The following TRMT2B variants were observed in gnomAD, a reference collection of about 807,000 sequenced individuals.
The protein encoded by TRMT2B is tRNA methyltransferase 2B, also known as tRNA (uracil-5-)-methyltransferase homolog B.
TRMT2B carries 34 observed loss-of-function variants against 39.7 expected under a neutral mutation model. The observed-to-expected ratio is 0.86, with a 90% CI of 0.65 to 1.14. TRMT2B has a LOEUF of 1.14. Ranked by LOEUF, TRMT2B falls within the 50% of genes most tolerant of loss-of-function variation. The probability of loss-of-function intolerance (pLI) is 0.00; values close to 1 mark genes in which losing one functional copy is unlikely to be tolerated. For missense variants in TRMT2B, 318 were observed against 377.2 expected (o/e 0.84, Z 1.30); for synonymous variants, 132 against 137.3 (o/e 0.96, Z 0.27).
chrX:100,978,023 A>C, the TRMT2B span, among the ~76,000 whole-genome samples: 6 of 112,213 alleles, frequency 5.3e-5, no homozygotes, highest in Non-Finnish European at 1.1e-4. Context: ...ATACATACAC[A>C]GCAGGTGGAT....
chrX:101,051,800 T>A lies in TRMT2B; in HGVS notation c.-507+17A>T. ...CCACCTTACCTTCCTTCGTAACCAA[T>A]AAATCCTCTTACAAACCTGAGGCGG... On this transcript the variant is annotated intron_variant, in intron 1 of 13. Transcript: ENST00000372936. The A allele has an allele frequency of 1.8e-6, 1 of 556,314 alleles. No individual in the cohort carries two copies. Among genetic ancestry groups the A allele is most frequent in the Non-Finnish European group, 2.2e-6 (1 of 458,050 alleles). The allele number at this position is 556,314 out of a possible 1,213,427, so 45.8% of individuals were successfully genotyped here.
At chrX:101,024,493 C>A (rs2086961588) in intron 7 of TRMT2B, among the ~76,000 whole-genome samples, 1 of 110,616 alleles carries the variant, frequency 9.0e-6, no homozygotes, top group Admixed American at 9.7e-5. Context: ...TCCAGGAGTT[C>A]AAGACCACCT....
intron 10 of TRMT2B, among the ~76,000 whole-genome samples, 157 bp downstream of exon 10, chrX:101,020,944 C>T (rs1482214754): frequency 8.9e-6 from 1 of 111,931 alleles, no homozygotes; most frequent in Non-Finnish European, 1.9e-5. Context: ...GTTGGGATAA[C>T]AGGCATAAGC....
chrX:101,048,821 C>A (rs760313359), intron 2 of TRMT2B, among the ~76,000 whole-genome samples: 1 of 112,540 alleles, frequency 8.9e-6, no homozygotes, highest in Admixed American at 9.5e-5. Context: ...TGCTATGAAT[C>A]TCAGTGTCAC....
At chrX:101,010,769 A>C (rs2086212923) in intron 13 of TRMT2B, 62 bp from the exon 14 acceptor site, 2 of 1,117,648 alleles carry the variant, frequency 1.8e-6, no homozygotes, top group Non-Finnish European at 2.4e-6. Context: ...CAGGAATACA[A>C]TTGCCTAAAA....
intron 2 of TRMT2B, among the ~76,000 whole-genome samples, chrX:101,044,249 GAA>G (rs35472826): frequency 0.28 from 11,967 of 43,205 alleles, 760 homozygotes; most frequent in Non-Finnish European, 0.37. Flanking sequence ...CTCAAAAAGA[GAA>G]AAAAAAAAAA....
At chrX:101,045,620 CAAA>C (rs2088607961) in intron 2 of TRMT2B, among the ~76,000 whole-genome samples, 1 of 32,087 alleles carries the variant, frequency 3.1e-5, no homozygotes, top group Non-Finnish European at 6.4e-5. Context: ...AAATACAAAA[CAAA>C]CAAACAAACA....
intron 4 of TRMT2B, among the ~76,000 whole-genome samples, chrX:101,039,454 C>A (rs2088080640): frequency 8.9e-6 from 1 of 111,966 alleles, no homozygotes; most frequent in African/African-American, 3.2e-5. Flanking sequence ...TCACACTAAG[C>A]AAAATCACTC....
At chrX:101,023,389 C>G in intron 8 of TRMT2B, 81 bp downstream of exon 8, 1 of 1,031,317 alleles carries the variant, frequency 9.7e-7, no homozygotes. Flanking sequence ...TGCTATATGC[C>G]CTGAAACTTC....
In TRMT2B at chrX:101,037,964, G is replaced by A; in HGVS notation, c.391C>T (p.Pro131Ser). 8.3e-7 allele frequency: 1 copy of A among 1,210,067 alleles called. No individual in the cohort carries two copies. The highest frequency in any genetic ancestry group is 1.1e-6 in the Non-Finnish European group (1 of 894,462). Reference sequence around the variant, plus strand: ...AGACAAGAGAGCCTCTCAGATTTGGGTACAGCCGTTGTCACACTGACTCCA... The same window carrying A: ...AGACAAGAGAGCCTCTCAGATTTGGATACAGCCGTTGTCACACTGACTCCA... ...LNGVSVTTAV[P>S]KSERLSCLLH... The change falls in exon 5 of 14, where the codon CCC (proline) becomes TCC (serine). Residue 131 changes from proline to serine, a missense_variant. Physicochemically the swap from Pro to Ser is moderately conservative, Grantham distance 74. Coordinates refer to ENST00000372936, the MANE Select transcript of TRMT2B (RefSeq NM_024917.6).
In TRMT2B at chrX:101,031,635, G is replaced by C. The variant is rs745633942; in HGVS notation, c.609+3978C>G. Reference sequence around the variant, plus strand: ...AGGCAGGAGAATTGCTTGAACTCGGGAGGCGGAGGTTGCAGTGAGCCAAGA... The same window carrying C: ...AGGCAGGAGAATTGCTTGAACTCGGCAGGCGGAGGTTGCAGTGAGCCAAGA... On this transcript the variant is annotated intron_variant, in intron 7 of 13. Transcript: ENST00000372936. Among the ~76,000 whole-genome samples the C allele has an allele frequency of 4.3e-4, 47 of 109,103 alleles. No homozygotes were observed. In the South Asian group the frequency reaches 0.018, roughly 42 times the overall value. 94.7% of individuals were successfully genotyped at this position (109,103 alleles called of 115,157 possible). A position where few individuals can be genotyped will look rare whatever the true frequency, so the allele number is the denominator to read the frequency against.
In TRMT2B at chrX:101,023,631, G is replaced by A. The variant is rs753349811; in HGVS notation, c.610-15C>T. 60 of 1,181,433 alleles carry A rather than the reference G, an allele frequency of 5.1e-5. No individual in the cohort carries two copies. Among genetic ancestry groups the A allele is most frequent in the East Asian group, 4.8e-4 (16 of 33,160 alleles). The stretch of plus-strand genomic sequence containing the variant: ...ACTTCATAGTACTAGGAAGAGAACC[G>A]AATTATTACACAAGCAAAACTAGCA... On this transcript the variant is annotated splice_polypyrimidine_tract_variant and intron_variant, in intron 7 of 13. Coordinates refer to ENST00000372936, the MANE Select transcript of TRMT2B (RefSeq NM_024917.6).
In TRMT2B at chrX:101,010,485, A is replaced by C. The variant is rs1340797501; in HGVS notation, c.*96T>G. ...CAAACCAAAGATTGGTTTCCACTGT[A>C]ATGCTCCCAGGGTCTGCAATGTAGC... On this transcript the variant is annotated 3_prime_UTR_variant, in exon 14 of 14. Transcript: ENST00000372936. The C allele has an allele frequency of 2.0e-6, 2 of 1,015,509 alleles. No homozygotes were observed. The highest frequency in any genetic ancestry group is 2.7e-6 in the Non-Finnish European group (2 of 736,104). The allele number at this position is 1,015,509 out of a possible 1,213,427, so 83.7% of individuals were successfully genotyped here.
At chrX:101,020,639 G>A in intron 10 of TRMT2B, 51 bp from the exon 11 acceptor site, 1 of 960,386 alleles carries the variant, frequency 1.0e-6, no homozygotes, top group Non-Finnish European at 1.5e-6. Context: ...TTTAGGTGTG[G>A]TAGTTTGTTT....
At chrX:101,038,371 CAA>C (rs57481304) in intron 4 of TRMT2B, among the ~76,000 whole-genome samples, 157 of 35,176 alleles carry the variant, frequency 4.5e-3, no homozygotes, top group African/African-American at 0.014. Flanking sequence ...AACTCCGTCT[CAA>C]AAAAAAAAAA....
chrX:101,022,325 C>T (rs113012265), intron 8 of TRMT2B, among the ~76,000 whole-genome samples: 91 of 110,603 alleles, frequency 8.2e-4, no homozygotes, highest in Non-Finnish European at 1.5e-3. Context: ...CCTGTCTCTA[C>T]AAGAAATCAA....
the TRMT2B span, among the ~76,000 whole-genome samples, chrX:100,991,079 G>A: frequency 8.9e-6 from 1 of 111,874 alleles, no homozygotes; most frequent in Non-Finnish European, 1.9e-5. Flanking sequence ...TATAGGTTGA[G>A]TATCCCTTAT....
At chrX:101,038,371 C>CAAAAAAAAAAAA (rs57481304) in intron 4 of TRMT2B, among the ~76,000 whole-genome samples, 3 of 35,209 alleles carry the variant, frequency 8.5e-5, no homozygotes, top group Non-Finnish European at 1.6e-4. Context: ...AACTCCGTCT[C>CAAAAAAAAAAAA]AAAAAAAAAA....
At chrX:100,988,694 G>A in the TRMT2B span, 4 of 357,778 alleles carry the variant, frequency 1.1e-5, no homozygotes, top group African/African-American at 8.5e-5. Flanking sequence ...GCACCTTCCT[G>A]TAGGAAGGGT....
Sources: gnomAD v4.1 joint callset for allele counts (sites outside exome capture counted in the v4.1 genomes callset) on GRCh38, gnomAD v4.1.1 for gene constraint, MANE v1.5 for transcripts, NCBI Gene and HGNC (gene_info 2026-07-23, HGNC 2026-07-21) for gene names.